The following CFAP299 variants were observed in gnomAD, a reference collection of about 807,000 sequenced individuals.
CFAP299 encodes cilia and flagella associated protein 299.
Under a neutral mutation model 27.0 loss-of-function variants are expected in CFAP299, and 21 were observed. The observed-to-expected ratio is 0.78, with a 90% CI of 0.55 to 1.12. The LOEUF is 1.12. Among genes scored for constraint, CFAP299 ranks in the 50% most tolerant of loss-of-function variants. The pLI is 0.00. For missense variants in CFAP299, 310 were observed against 276.6 expected (o/e 1.12, Z -0.86); for synonymous variants, 104 against 98.1 (o/e 1.06, Z -0.36).
chr4:80,785,870 G>T (rs1487927026), intron 3 of CFAP299, among the ~76,000 whole-genome samples: 4 of 152,066 alleles, frequency 2.6e-5, no homozygotes, highest in Non-Finnish European at 5.9e-5. Flanking sequence ...TTAGGAAAGT[G>T]CCTTGCTTAA....
chr4:80,386,461 G>T (rs1725000607), intron 2 of CFAP299: 1 of 1,534,210 alleles, frequency 6.5e-7, no homozygotes, highest in South Asian at 1.2e-5. Context: ...ACCACCTTGC[G>T]CCCACCACTG....
At chr4:80,594,560 A>C (rs1424178684) in intron 3 of CFAP299, among the ~76,000 whole-genome samples, 1 of 152,192 alleles carries the variant, frequency 6.6e-6, no homozygotes. Flanking sequence ...AAAAGCATGA[A>C]TAATCTTGCT....
chr4:80,388,812 T>A, intron 2 of CFAP299: 1 of 409,942 alleles, frequency 2.4e-6, no homozygotes, highest in Non-Finnish European at 4.3e-6. Flanking sequence ...ATGATGTTTC[T>A]ATTTCTTCTC....
At chr4:80,771,374 A>G (rs1578108465) in intron 3 of CFAP299, among the ~76,000 whole-genome samples, 1 of 152,214 alleles carries the variant, frequency 6.6e-6, no homozygotes, top group Non-Finnish European at 1.5e-5. Flanking sequence ...GATATTTGGT[A>G]CAGACAAACT....
At chr4:80,504,234 T>A (rs1004513532) in intron 2 of CFAP299, among the ~76,000 whole-genome samples, 2 of 151,332 alleles carry the variant, frequency 1.3e-5, no homozygotes, top group African/African-American at 4.9e-5. Context: ...CTGGTAAGCA[T>A]GAGGGAAAGA....
chr4:80,846,319 G>C (rs1731182443), intron 3 of CFAP299, among the ~76,000 whole-genome samples: 1 of 152,156 alleles, frequency 6.6e-6, no homozygotes, highest in Non-Finnish European at 1.5e-5. Flanking sequence ...CATGTTTTCA[G>C]GTGATAAATT....
At position 80,858,511 on chromosome 4, in the gene CFAP299, T is replaced by C. The variant is rs988128144; in HGVS notation, c.334-11482T>C. Among the ~76,000 whole-genome samples the C allele has an allele frequency of 4.7e-4, 71 of 152,198 alleles. 2 individuals carry two copies. The highest frequency in any genetic ancestry group is 4.1e-4 in the South Asian group (2 of 4,828). On this transcript the variant is annotated intron_variant, in intron 3 of 5. Coordinates refer to ENST00000358105, the MANE Select transcript of CFAP299 (RefSeq NM_152770.3). ...TTTAATTGTGATGTTGGGGTGTCAA[T>C]TTTGGATCTTTCCTGCTTTCTCCTG...
intron 4 of CFAP299, among the ~76,000 whole-genome samples, chr4:80,879,021 A>T (rs1359180611): frequency 2.0e-5 from 3 of 152,096 alleles, no homozygotes; most frequent in Non-Finnish European, 2.9e-5. Context: ...TCCCTATCTC[A>T]TCTCTTATGA....
intron 3 of CFAP299, among the ~76,000 whole-genome samples, chr4:80,584,360 G>A (rs1736325733): frequency 6.6e-6 from 1 of 152,016 alleles, no homozygotes; most frequent in Non-Finnish European, 1.5e-5. Flanking sequence ...ATGCTTTAAT[G>A]AAGATGTACA....
chr4:80,401,017 G>C (rs924497758), intron 2 of CFAP299, among the ~76,000 whole-genome samples: 2 of 152,184 alleles, frequency 1.3e-5, no homozygotes, highest in Non-Finnish European at 2.9e-5. Context: ...CTAGACATTT[G>C]TGGAACATTG....
intron 2 of CFAP299, among the ~76,000 whole-genome samples, chr4:80,430,639 G>A (rs866278513): frequency 1.4e-4 from 22 of 151,942 alleles, no homozygotes; most frequent in South Asian, 4.2e-4. Context: ...CCTAAACGCC[G>A]TTCTCATTAT....
chr4:80,656,385 C>T (rs1477971511), intron 3 of CFAP299, among the ~76,000 whole-genome samples: 3 of 151,972 alleles, frequency 2.0e-5, no homozygotes, highest in African/African-American at 7.3e-5. Context: ...AGTGCCCCAG[C>T]CCCCGACAGA....
rs769288228 is a variant in CFAP299, at chr4:80,726,722, T to C, written c.334-143271T>C. Among the ~76,000 whole-genome samples the C allele has an allele frequency of 1.5e-4, 23 of 152,186 alleles. 1 individual carries two copies. The highest frequency in any genetic ancestry group is 2.2e-4 in the Non-Finnish European group (15 of 68,004). On this transcript the variant is annotated intron_variant, in intron 3 of 5. Coordinates refer to ENST00000358105, the MANE Select transcript of CFAP299 (RefSeq NM_152770.3). The stretch of plus-strand genomic sequence containing the variant: ...TTCCATTTCTTCACTAACTTAAACA[T>C]TGTGGGGACTGACTGTTCTACTCAC...
At chr4:80,777,356 A>G (rs1343046177) in intron 3 of CFAP299, among the ~76,000 whole-genome samples, 1 of 152,048 alleles carries the variant, frequency 6.6e-6, no homozygotes, top group Non-Finnish European at 1.5e-5. Flanking sequence ...ACTCATTTCT[A>G]TGGCTGAGAC....
intron 3 of CFAP299, among the ~76,000 whole-genome samples, chr4:80,598,287 T>C (rs1318507112): frequency 2.0e-5 from 3 of 152,206 alleles, no homozygotes; most frequent in Non-Finnish European, 4.4e-5. Context: ...TGTACTAGTA[T>C]GGAACACAGT....
chr4:80,377,157 T>C (rs1371305686), intron 2 of CFAP299, among the ~76,000 whole-genome samples: 1 of 152,138 alleles, frequency 6.6e-6, no homozygotes, highest in Non-Finnish European at 1.5e-5. Flanking sequence ...TTCATGTGTG[T>C]GTGTATTTCT....
At chr4:80,456,197 A>G (rs1578465323) in intron 2 of CFAP299, among the ~76,000 whole-genome samples, 1 of 152,114 alleles carries the variant, frequency 6.6e-6, no homozygotes, top group African/African-American at 2.4e-5. Context: ...CTGGAGTGGG[A>G]TGATTTAAAG....
intron 3 of CFAP299, among the ~76,000 whole-genome samples, chr4:80,660,263 T>C (rs1740775411): frequency 6.6e-6 from 1 of 151,898 alleles, no homozygotes; most frequent in Non-Finnish European, 1.5e-5. Context: ...ATCAATAGCA[T>C]AGAAGATAAA....
chr4:80,522,931 G>T (rs1289036020), intron 2 of CFAP299, among the ~76,000 whole-genome samples: 1 of 152,024 alleles, frequency 6.6e-6, no homozygotes, highest in Non-Finnish European at 1.5e-5. Flanking sequence ...CATGAAGTAT[G>T]ATACCTCTAG....
Sources: allele counts gnomAD v4.1 joint callset (sites outside exome capture counted in the v4.1 genomes callset), GRCh38; gene constraint gnomAD v4.1.1; transcripts MANE v1.5; gene names NCBI Gene and HGNC (gene_info 2026-07-23, HGNC 2026-07-21).